Variants in HIPK2 observed in about 807,000 individuals in gnomAD.
HIPK2 encodes the protein homeodomain interacting protein kinase 2.
HIPK2 carries 27 observed loss-of-function variants against 113.7 expected under a neutral mutation model. The ratio of observed to expected loss-of-function variants is 0.24; its 90% CI spans 0.17 to 0.33. HIPK2 has a LOEUF of 0.33. Ranked by LOEUF, HIPK2 falls within the 10% of genes least tolerant of loss-of-function variation. HIPK2 has a pLI of 1.00. For synonymous variants in HIPK2, 631 were observed against 642.2 expected (o/e 0.98, Z 0.26); for missense variants, 1,257 against 1,588.0 (o/e 0.79, Z 3.54).
Position 139,716,738 on chromosome 7 carries a change from G to T in HIPK2, c.297C>A (p.Ser99Arg). Residue 99 changes from serine to arginine, a missense_variant, in exon 2 of 15, where the codon AGC becomes AGA. Coordinates refer to ENST00000406875, the MANE Select transcript of HIPK2 (RefSeq NM_022740.5). This position sits in a 1 kb window ranked among gnomAD's most constrained non-coding sequence, Gnocchi z 9.3. ...STGHIVVTSA[S>R]STSVTGQVLG... ...GGACTTGCCCGGTGACAGAAGTGCT[G>T]CTTGCTGAGGTGACCACGATGTGCC... 1.2e-6 allele frequency: 2 copies of T among 1,613,960 alleles called. No homozygotes were observed. The highest frequency in any genetic ancestry group is 2.2e-5 in the East Asian group (1 of 44,882).
chr7:139,755,693 G>A (rs187404847), intron 1 of HIPK2, among the ~76,000 whole-genome samples: 8 of 152,116 alleles, frequency 5.3e-5, no homozygotes, highest in East Asian at 3.9e-4. Flanking sequence ...GCCAGTCTCC[G>A]GCAGTCCCTT....
intron 10 of HIPK2, among the ~76,000 whole-genome samples, chr7:139,602,416 G>A (rs1192355255): frequency 1.3e-5 from 2 of 152,204 alleles, no homozygotes. Flanking sequence ...AGACCAGGAA[G>A]AGAGTATGCT....
At chr7:139,574,711 T>C (rs1356598516) in intron 14 of HIPK2, among the ~76,000 whole-genome samples, 1 of 152,146 alleles carries the variant, frequency 6.6e-6, no homozygotes, top group East Asian at 1.9e-4. Context: ...ATCTTACCCT[T>C]GACTTGGGGG....
chr7:139,728,489 G>C (rs1795657266), intron 1 of HIPK2, among the ~76,000 whole-genome samples: 1 of 152,152 alleles, frequency 6.6e-6, no homozygotes, highest in South Asian at 2.1e-4. Context: ...TTCTCTGTGT[G>C]TCTCTTCACA....
intron 2 of HIPK2, among the ~76,000 whole-genome samples, chr7:139,686,042 G>A (rs539178643): frequency 2.6e-5 from 4 of 152,284 alleles, no homozygotes; most frequent in African/African-American, 9.6e-5. Flanking sequence ...AAAGTCTTCT[G>A]GAAAGCATTC....
rs1795176188 is a variant in HIPK2 at position 139,714,915 on chromosome 7, C to T, written c.1103+1017G>A. On this transcript the variant is annotated intron_variant, in intron 2 of 14. Transcript: ENST00000406875. The surrounding 1 kb of genome is among the most constrained non-coding windows in gnomAD (Gnocchi z 4.2). The stretch of plus-strand genomic sequence containing the variant: ...GCCATGTTACAGCCATGTTACCTCC[C>T]AGCTGCCCACGAGGCTGGTGAGAGG... Among the ~76,000 whole-genome samples the T allele has an allele frequency of 6.6e-6, 1 of 152,198 alleles. No individual in the cohort carries two copies. The highest frequency in any genetic ancestry group is 1.5e-5 in the Non-Finnish European group (1 of 68,036).
At chr7:139,685,828 CA>C (rs1441740040) in intron 2 of HIPK2, among the ~76,000 whole-genome samples, 1 of 152,228 alleles carries the variant, frequency 6.6e-6, no homozygotes, top group Non-Finnish European at 1.5e-5. Context: ...TGCTCATTGA[CA>C]ATGTACCTAG....
chr7:139,653,925 G>C (rs1569465527), intron 2 of HIPK2, among the ~76,000 whole-genome samples: 1 of 152,040 alleles, frequency 6.6e-6, no homozygotes. Flanking sequence ...TAGAGACGAG[G>C]TTTCACCATC....
chr7:139,611,528 A>C (rs1323860853), intron 9 of HIPK2, among the ~76,000 whole-genome samples: 1 of 152,186 alleles, frequency 6.6e-6, no homozygotes, highest in Admixed American at 6.6e-5. Flanking sequence ...TAAACATGAT[A>C]AAGTGTTTCT....
intron 2 of HIPK2, among the ~76,000 whole-genome samples, chr7:139,710,069 T>G (rs2116910922): frequency 1.3e-5 from 2 of 149,824 alleles, no homozygotes; most frequent in East Asian, 3.9e-4. Context: ...TCCCCACAAC[T>G]TTTTTTTTTC....
chr7:139,645,400 C>T (rs908257757), intron 2 of HIPK2, among the ~76,000 whole-genome samples: 16 of 152,312 alleles, frequency 1.1e-4, no homozygotes, highest in African/African-American at 3.6e-4. Flanking sequence ...GGAACCCACT[C>T]AGTAAAAATG....
At chr7:139,602,513 T>C (rs1799468243) in intron 10 of HIPK2, among the ~76,000 whole-genome samples, 1 of 151,910 alleles carries the variant, frequency 6.6e-6, no homozygotes, top group South Asian at 2.1e-4. Context: ...ATGTAGGAAT[T>C]AGTAAGTGTA....
At position 139,685,776 on chromosome 7, in the gene HIPK2, G is replaced by A. The variant is rs9719539; in HGVS notation, c.1103+30156C>T. On this transcript the variant is annotated intron_variant, in intron 2 of 14. Transcript: ENST00000406875. ...CTGAATATTTTAAGCCCATTGTTGA[G>A]ACCTACTTCTCAGAACAAAAAGATT... Among the ~76,000 whole-genome samples the A allele has an allele frequency of 7.1e-3, 1,078 of 152,304 alleles. 8 individuals carry two copies. Among genetic ancestry groups the A allele is most frequent in the Non-Finnish European group, 0.012 (835 of 68,032 alleles).
intron 2 of HIPK2, among the ~76,000 whole-genome samples, chr7:139,680,349 G>A (rs960766796): frequency 2.0e-5 from 3 of 152,170 alleles, no homozygotes; most frequent in Non-Finnish European, 4.4e-5. Context: ...GTAGGGCTTG[G>A]GCCTTGTGGA....
chr7:139,590,896 G>A (rs990445106), intron 12 of HIPK2, among the ~76,000 whole-genome samples: 5 of 152,188 alleles, frequency 3.3e-5, no homozygotes, highest in East Asian at 1.9e-4. Context: ...CCAGACTGCA[G>A]TATCGTGTTA....
At chr7:139,636,238 C>T (rs149306853) in intron 2 of HIPK2, among the ~76,000 whole-genome samples, 8 of 151,986 alleles carry the variant, frequency 5.3e-5, no homozygotes, top group East Asian at 1.9e-4. Flanking sequence ...CCATATCTGT[C>T]CCGCCTCTCT....
At chr7:139,717,199 G>A (rs907480904) in intron 1 of HIPK2, 184 bp from the exon 2 acceptor site, 21 of 376,026 alleles carry the variant, frequency 5.6e-5, no homozygotes, top group Non-Finnish European at 2.2e-5. Flanking sequence ...TGAGTTTGTG[G>A]AACCAAGTGG....
Position 139,562,505 on chromosome 7 carries a change from A to G in HIPK2, c.*10422T>C, listed in dbSNP as rs887422587. The G allele has an allele frequency of 2.0e-5, 3 of 152,234 alleles. No individual in the cohort carries two copies. Among genetic ancestry groups the G allele is most frequent in the African/African-American group, 7.2e-5 (3 of 41,454 alleles). 9.4% of individuals were successfully genotyped at this position (152,234 alleles called of 1,614,324 possible). ...TTCTCTTTCTATCCTAATGGATACC[A>G]TTTTTGGAAACGTGACAGAGTATCA... On this transcript the variant is annotated 3_prime_UTR_variant, in exon 15 of 15. Transcript: ENST00000406875.
intron 1 of HIPK2, among the ~76,000 whole-genome samples, chr7:139,736,064 G>A (rs1455404935): frequency 1.3e-5 from 2 of 152,140 alleles, no homozygotes; most frequent in African/African-American, 2.4e-5. Context: ...CTGTTGAGGA[G>A]TCACAGGAGG....
Sources: gnomAD v4.1 joint callset for allele counts (sites outside exome capture counted in the v4.1 genomes callset) on GRCh38, gnomAD v4.1.1 for gene constraint, Gnocchi (gnomAD v3.1) non-coding constraint, MANE v1.5 for transcripts, NCBI Gene and HGNC (gene_info 2026-07-23, HGNC 2026-07-21) for gene names.